Variants in KANK1 observed in about 807,000 individuals in gnomAD.
KANK1 encodes KN motif and ankyrin repeat domains 1.
Under a neutral mutation model 106.2 loss-of-function variants are expected in KANK1, and 109 were observed. The observed-to-expected ratio is 1.03, with a 90% confidence interval of 0.88 to 1.20. KANK1 has a LOEUF of 1.20. Ranked by LOEUF, KANK1 falls within the 50% of genes most tolerant of loss-of-function variation. The pLI is 0.00. For missense variants in KANK1, 2,399 were observed against 1,710.7 expected, an observed-to-expected ratio of 1.40 and a Z score of -7.10; for synonymous variants, 873 against 652.2, an observed-to-expected ratio of 1.34 and a Z score of -5.16.
chr9:649,896 T>G (rs1014276878), intron 1 of KANK1, among the ~76,000 whole-genome samples: 6 of 152,222 alleles, frequency 3.9e-5, no homozygotes, highest in Non-Finnish European at 2.9e-5. Flanking sequence ...GGCTCTACAT[T>G]GCAGCTTCTC....
rs115753147 is a variant in KANK1 at position 740,800 on chromosome 9, A to G, written c.3562A>G (p.Asn1188Asp). 2 of 1,607,338 alleles carry G rather than the reference A, an allele frequency of 1.2e-6. No homozygotes were observed. The highest frequency in any genetic ancestry group is 2.2e-5 in the East Asian group (1 of 44,760). ...VKLLLDADVCNVDHQNKAGYT... is the reference protein window; with the variant it reads ...VKLLLDADVCDVDHQNKAGYT... ...TTTTTTTTTTTTTACAGATGTGTGT[A>G]ATGTGGATCACCAGAACAAGGCAGG... Residue 1188 changes from asparagine (N) to aspartate (D), a missense_variant, in exon 9 of 12, where the codon AAT (asparagine) becomes GAT (aspartate). Coordinates refer to ENST00000382297, the MANE Select transcript of KANK1 (RefSeq NM_015158.5).
At chr9:648,218 G>A (rs1474442401) in intron 1 of KANK1, among the ~76,000 whole-genome samples, 1 of 142,966 alleles carries the variant, frequency 7.0e-6, no homozygotes. Flanking sequence ...TGGTAAGGAT[G>A]GTCTCAATCT....
intron 1 of KANK1, among the ~76,000 whole-genome samples, chr9:595,022 GAAAA>G (rs528071481): frequency 2.6e-5 from 4 of 151,500 alleles, no homozygotes; most frequent in African/African-American, 9.7e-5. Context: ...GATTCGAAAA[GAAAA>G]AAAAGAATTT....
Position 711,870 on chromosome 9 carries a change from G to C in KANK1, c.1104G>C (p.Arg368=). 1.2e-6 allele frequency: 2 copies of C among 1,614,170 alleles called. No homozygotes were observed. Among genetic ancestry groups the C allele is most frequent in the Non-Finnish European group, 1.7e-6 (2 of 1,180,036 alleles). ...EQSTQRIKEF[R]QLTADMQALE... Reference sequence around the variant, plus strand: ...GCACGCAGAGGATAAAGGAGTTCCGGCAACTTACAGCAGACATGCAAGCCC... The same window carrying C: ...GCACGCAGAGGATAAAGGAGTTCCGCCAACTTACAGCAGACATGCAAGCCC... Residue 368 remains arginine (R), a synonymous_variant, in exon 3 of 12, where the codon CGG becomes CGC. Transcript: ENST00000382297.
At chr9:659,036 A>G (rs1461176920) in intron 1 of KANK1, among the ~76,000 whole-genome samples, 2 of 152,204 alleles carry the variant, frequency 1.3e-5, no homozygotes, top group Non-Finnish European at 1.5e-5. Context: ...AGCATTTAGC[A>G]TAATACGTTT....
At chr9:638,358 C>T (rs1461831839) in intron 1 of KANK1, among the ~76,000 whole-genome samples, 1 of 152,190 alleles carries the variant, frequency 6.6e-6, no homozygotes, top group East Asian at 1.9e-4. Context: ...ATCATATTCG[C>T]CACTTTTGCT....
In KANK1 at chr9:690,842, G is replaced by A. The variant is rs552439828; in HGVS notation, c.37+13833G>A. 4.6e-5 allele frequency among the ~76,000 whole-genome samples: 7 copies of A among 152,272 alleles called. No homozygotes were observed. The East Asian group carries it at 1.3e-3, about 29-fold the overall frequency. On this transcript the variant is annotated intron_variant, in intron 2 of 11. Transcript: ENST00000382297. ...TAAAGACTGTGCTGGTATACGCTCA[G>A]CCAGCCTGGTACCACAGAAGGCTTT...
intron 1 of KANK1, among the ~76,000 whole-genome samples, chr9:554,323 GA>G: frequency 6.6e-6 from 1 of 152,312 alleles, no homozygotes; most frequent in Non-Finnish European, 1.5e-5. Context: ...GGCAGGAAAA[GA>G]TAGAAGTTCC....
At chr9:564,485 G>C (rs1327800965) in intron 1 of KANK1, among the ~76,000 whole-genome samples, 1 of 152,162 alleles carries the variant, frequency 6.6e-6, no homozygotes, top group Non-Finnish European at 1.5e-5. Context: ...TTATATACGT[G>C]TACATATCTC....
intron 1 of KANK1, among the ~76,000 whole-genome samples, chr9:611,915 T>G (rs1296777536): frequency 6.6e-6 from 1 of 152,272 alleles, no homozygotes; most frequent in East Asian, 1.9e-4. Context: ...AGATGGGGTT[T>G]CACCGTGTTA....
At position 710,833 on chromosome 9, in the gene KANK1, CA is replaced by C; in HGVS notation, c.68del (p.Gln23ArgfsTer19). The C allele has an allele frequency of 3.1e-6, 5 of 1,605,490 alleles. No homozygotes were observed. The highest frequency in any genetic ancestry group is 2.5e-6 in the Non-Finnish European group (3 of 1,176,894). ...GKAGDILSGD[Q>X]DKEQKDPYFV... ...AGCAGGTGATATTCTCAGTGGAGAC[CA>C]GGACAAGGAACAGAAAGACCCTTAC... On this transcript the variant is annotated frameshift_variant, in exon 3 of 12. Coordinates refer to ENST00000382297, the MANE Select transcript of KANK1 (RefSeq NM_015158.5). LOFTEE classifies it high-confidence loss of function.
intron 1 of KANK1, among the ~76,000 whole-genome samples, chr9:626,856 C>G (rs1297792661): frequency 6.6e-6 from 1 of 152,218 alleles, no homozygotes; most frequent in African/African-American, 2.4e-5. Context: ...TGAAGTTAGA[C>G]TCCAGAAGAC....
At chr9:682,421 AAC>A (rs2139111845) in intron 2 of KANK1, among the ~76,000 whole-genome samples, 1 of 152,360 alleles carries the variant, frequency 6.6e-6, no homozygotes, top group East Asian at 1.9e-4. Flanking sequence ...AACAAACTTA[AAC>A]ACAGTTTCAA....
chr9:639,159 A>G (rs980016663), intron 1 of KANK1, among the ~76,000 whole-genome samples: 1 of 152,106 alleles, frequency 6.6e-6, no homozygotes, highest in Non-Finnish European at 1.5e-5. Flanking sequence ...GGTCTCTTCA[A>G]AGCTGTCATT....
chr9:731,398 C>G (rs1832220871), intron 5 of KANK1, 132 bp downstream of exon 5: 3 of 553,974 alleles, frequency 5.4e-6, no homozygotes, highest in Non-Finnish European at 9.8e-6. Flanking sequence ...CTCAGAAAGG[C>G]AGAAAGGTGC....
intron 1 of KANK1, among the ~76,000 whole-genome samples, chr9:542,793 G>T (rs1426756630): frequency 1.3e-5 from 2 of 152,218 alleles, no homozygotes; most frequent in Non-Finnish European, 2.9e-5. Context: ...GCCAGGCACA[G>T]AAAGACAGAT....
At chr9:483,185 A>C (rs1195073503) in intron 3 of KANK1, among the ~76,000 whole-genome samples, 1 of 152,212 alleles carries the variant, frequency 6.6e-6, no homozygotes, top group Non-Finnish European at 1.5e-5. Context: ...GGAAAAAAAA[A>C]CATAGTATAT....
At chr9:659,044 T>G (rs1350498007) in intron 1 of KANK1, among the ~76,000 whole-genome samples, 4 of 152,164 alleles carry the variant, frequency 2.6e-5, no homozygotes, top group Non-Finnish European at 5.9e-5. Context: ...GCATAATACG[T>G]TTATAACTTT....
chr9:684,550 G>A (rs1818178370), intron 2 of KANK1: 1 of 985,452 alleles, frequency 1.0e-6, no homozygotes, highest in East Asian at 1.1e-4. Context: ...TCTGTGCTCT[G>A]CTCTTCCTCA....
Sources: allele counts gnomAD v4.1 joint callset (sites outside exome capture counted in the v4.1 genomes callset), GRCh38; gene constraint gnomAD v4.1.1; transcripts MANE v1.5; gene names NCBI Gene and HGNC (gene_info 2026-07-23, HGNC 2026-07-21).